Variants in HTR1F observed in about 807,000 individuals in gnomAD.
HTR1F encodes 5-hydroxytryptamine receptor 1F.
In HTR1F, 17 loss-of-function variants were observed where a neutral mutation model predicts 24.0. That is an observed-to-expected ratio of 0.71 (90% CI 0.48 to 1.06). The LOEUF is 1.06. HTR1F is among the 50% of genes least tolerant of loss of function. The probability of loss-of-function intolerance (pLI) is 0.00; values close to 1 mark genes in which losing one functional copy is unlikely to be tolerated. For synonymous variants in HTR1F, 186 were observed against 156.8 expected (o/e 1.19, Z -1.39); for missense variants, 391 against 427.8 (o/e 0.91, Z 0.76).
At chr3:87,962,958 G>GC (rs1559650105) in intron 2 of HTR1F, among the ~76,000 whole-genome samples, 2 of 150,984 alleles carry the variant, frequency 1.3e-5, no homozygotes, top group African/African-American at 4.9e-5. Context: ...TGAAAATTAT[G>GC]TATTTTTTTT....
chr3:87,934,321 C>T (rs1704359272), intron 2 of HTR1F, among the ~76,000 whole-genome samples: 1 of 152,326 alleles, frequency 6.6e-6, no homozygotes, highest in Middle Eastern at 3.4e-3. Flanking sequence ...TGGTGTTCCA[C>T]CTTAATCCTG....
At chr3:87,894,489 C>G (rs1706155988) in intron 2 of HTR1F, among the ~76,000 whole-genome samples, 1 of 151,280 alleles carries the variant, frequency 6.6e-6, no homozygotes, top group Admixed American at 6.6e-5. Context: ...AACTCCTGAC[C>G]TCAAGTGATC....
chr3:87,812,926 G>A (rs1704185084), intron 1 of HTR1F, among the ~76,000 whole-genome samples: 1 of 152,236 alleles, frequency 6.6e-6, no homozygotes, highest in Non-Finnish European at 1.5e-5. Flanking sequence ...CAAGAATTGA[G>A]GTTTGGGAAC....
intron 2 of HTR1F, among the ~76,000 whole-genome samples, chr3:87,883,290 A>G (rs952532879): frequency 6.6e-6 from 1 of 152,186 alleles, no homozygotes; most frequent in Non-Finnish European, 1.5e-5. Flanking sequence ...AACAAAAAGG[A>G]CACCCACACT....
intron 2 of HTR1F, among the ~76,000 whole-genome samples, chr3:87,946,222 C>T (rs1211753030): frequency 6.6e-6 from 1 of 152,088 alleles, no homozygotes; most frequent in Non-Finnish European, 1.5e-5. Flanking sequence ...TGGAAGTCAG[C>T]GGCGGTATGC....
intron 1 of HTR1F, among the ~76,000 whole-genome samples, chr3:87,818,769 A>T (rs1309080912): frequency 2.6e-5 from 4 of 152,126 alleles, no homozygotes; most frequent in African/African-American, 9.7e-5. Flanking sequence ...GAAGGCACTC[A>T]CTCAGGGTTG....
At chr3:87,930,370 A>G (rs746415232) in intron 2 of HTR1F, among the ~76,000 whole-genome samples, 1 of 152,124 alleles carries the variant, frequency 6.6e-6, no homozygotes, top group Non-Finnish European at 1.5e-5. Flanking sequence ...CTGGTTTTCA[A>G]GGGAAATGCT....
chr3:87,940,585 T>A (rs921230915), intron 2 of HTR1F, among the ~76,000 whole-genome samples: 7 of 152,190 alleles, frequency 4.6e-5, no homozygotes, highest in Non-Finnish European at 1.0e-4. Flanking sequence ...GCCATCCCCA[T>A]CAAGCTACCA....
At chr3:87,977,573 CTTT>C (rs541688626) in intron 2 of HTR1F, among the ~76,000 whole-genome samples, 2 of 140,710 alleles carry the variant, frequency 1.4e-5, no homozygotes, top group African/African-American at 5.3e-5. Flanking sequence ...TAATTTTTTT[CTTT>C]TTTTTTTTTC....
At chr3:87,860,304 T>C (rs1705289470) in intron 2 of HTR1F, among the ~76,000 whole-genome samples, 1 of 152,206 alleles carries the variant, frequency 6.6e-6, no homozygotes, top group Admixed American at 6.5e-5. Flanking sequence ...AATTGATAAA[T>C]ATAATATGTA....
intron 1 of HTR1F, among the ~76,000 whole-genome samples, chr3:87,813,702 G>A (rs138375753): frequency 0.01 from 1,542 of 152,234 alleles, 12 homozygotes; most frequent in Middle Eastern, 0.02. Flanking sequence ...CTCACATGTC[G>A]AGAAAGGGAG....
intron 2 of HTR1F, among the ~76,000 whole-genome samples, chr3:87,974,664 T>C (rs1386090616): frequency 6.6e-6 from 1 of 152,230 alleles, no homozygotes; most frequent in Non-Finnish European, 1.5e-5. Context: ...GGCATATTCA[T>C]TTTTATATCC....
intron 2 of HTR1F, among the ~76,000 whole-genome samples, chr3:87,938,572 T>TA (rs1704484554): frequency 6.6e-6 from 1 of 152,180 alleles, no homozygotes; most frequent in South Asian, 2.1e-4. Flanking sequence ...AATAGCATGG[T>TA]ACTGGTACAA....
intron 2 of HTR1F, among the ~76,000 whole-genome samples, chr3:87,884,790 A>C (rs1480908143): frequency 6.6e-6 from 1 of 152,204 alleles, no homozygotes; most frequent in African/African-American, 2.4e-5. Flanking sequence ...TTCAACAAGA[A>C]GAGCTAACTA....
intron 2 of HTR1F, among the ~76,000 whole-genome samples, chr3:87,845,981 C>G (rs1704932146): frequency 6.6e-6 from 1 of 151,882 alleles, no homozygotes; most frequent in African/African-American, 2.4e-5. Context: ...ACAGGCAATT[C>G]TTTAGAAATT....
chr3:87,923,029 A>T (rs1262867672), intron 2 of HTR1F, among the ~76,000 whole-genome samples: 300 of 138,772 alleles, frequency 2.2e-3, no homozygotes, highest in Middle Eastern at 0.013. Context: ...AGACTGTCCC[A>T]TCCCCAGTGC....
intron 2 of HTR1F, among the ~76,000 whole-genome samples, chr3:87,876,257 T>A (rs1705671156): frequency 6.6e-6 from 1 of 152,186 alleles, no homozygotes; most frequent in African/African-American, 2.4e-5. Context: ...TCTGGGTATA[T>A]ATCTCCAAAA....
intron 2 of HTR1F, among the ~76,000 whole-genome samples, chr3:87,976,948 C>A (rs574104037): frequency 7.3e-4 from 111 of 152,218 alleles, no homozygotes; most frequent in African/African-American, 2.6e-3. Flanking sequence ...GTAGTCAAGG[C>A]GGAGGAAAAG....
At chr3:87,941,197 G>A (rs1704559356) in intron 2 of HTR1F, among the ~76,000 whole-genome samples, 1 of 152,170 alleles carries the variant, frequency 6.6e-6, no homozygotes, top group African/African-American at 2.4e-5. Context: ...CTTACTAAAT[G>A]GGTATTGGCT....
Sources: gnomAD v4.1 joint callset for allele counts (sites outside exome capture counted in the v4.1 genomes callset) on GRCh38, gnomAD v4.1.1 for gene constraint, MANE v1.5 for transcripts, NCBI Gene and HGNC (gene_info 2026-07-23, HGNC 2026-07-21) for gene names.